Variants in SFTPD observed in about 807,000 individuals in gnomAD.
SFTPD encodes the protein pulmonary surfactant-associated protein D.
SFTPD carries 18 observed loss-of-function variants against 34.6 expected under a neutral mutation model. The ratio of observed to expected loss-of-function variants is 0.52; its 90% CI spans 0.36 to 0.77. The LOEUF (loss-of-function observed/expected upper bound fraction) is 0.77. Ranked by LOEUF, SFTPD falls within the 30% of genes least tolerant of loss-of-function variation. The probability of loss-of-function intolerance (pLI) is 0.00; values close to 1 mark genes in which losing one functional copy is unlikely to be tolerated. For synonymous variants in SFTPD, 155 were observed against 180.9 expected (o/e 0.86, Z 1.15); for missense variants, 433 against 468.9 (o/e 0.92, Z 0.71).
In SFTPD at chr10:79,942,749, A is replaced by G; in HGVS notation, c.316+14T>C. The G allele has an allele frequency of 6.6e-7, 1 of 1,517,150 alleles. No homozygotes were observed. Among genetic ancestry groups the G allele is most frequent in the Non-Finnish European group, 9.2e-7 (1 of 1,091,864 alleles). The allele number at this position is 1,517,150 out of a possible 1,614,324, so 94.0% of individuals were successfully genotyped here. On this transcript the variant is annotated intron_variant, in intron 3 of 7. Coordinates refer to ENST00000372292, the MANE Select transcript of SFTPD (RefSeq NM_003019.5). ...CCACCTGGAAACACCTGAAGTCGAC[A>G]CCCAGTTGCTCACCACTTGGCCCAG...
chr10:79,942,341 T>C, intron 4 of SFTPD, 47 bp downstream of exon 4: 2 of 1,310,110 alleles, frequency 1.5e-6, no homozygotes, highest in South Asian at 1.2e-5. Context: ...TGGACCCTTG[T>C]CCTTCCTCCT....
chr10:79,953,995 T>A (rs531186707), upstream of SFTPD, among the ~76,000 whole-genome samples: 36 of 141,718 alleles, frequency 2.5e-4, no homozygotes, highest in African/African-American at 9.2e-4. Flanking sequence ...AGTTCCAGGA[T>A]TTTTGTGGGT....
intron 1 of SFTPD, among the ~76,000 whole-genome samples, chr10:79,956,749 A>G (rs1842742103): frequency 6.6e-6 from 1 of 152,218 alleles, no homozygotes; most frequent in Admixed American, 6.5e-5. Flanking sequence ...ACAAAAAGAT[A>G]GCAGTAACCT....
intron 1 of SFTPD, among the ~76,000 whole-genome samples, chr10:79,947,781 AC>A (rs1842680301): frequency 6.6e-6 from 1 of 152,206 alleles, no homozygotes; most frequent in Admixed American, 6.5e-5. Context: ...AAGAGCAACT[AC>A]CCAACAGGGC....
At chr10:79,979,731 T>C (rs1298197645) in intron 1 of SFTPD, among the ~76,000 whole-genome samples, 2 of 152,188 alleles carry the variant, frequency 1.3e-5, no homozygotes, top group Non-Finnish European at 2.9e-5. Flanking sequence ...AGGACTGAAA[T>C]TCCTGGGCAA....
intron 2 of SFTPD, among the ~76,000 whole-genome samples, chr10:79,943,656 G>A (rs947602669): frequency 6.6e-5 from 10 of 152,284 alleles, no homozygotes; most frequent in Admixed American, 5.2e-4. Flanking sequence ...TTGCTGGATG[G>A]GTGGAAGAAT....
intron 1 of SFTPD, among the ~76,000 whole-genome samples, chr10:79,980,166 T>C (rs1842882824): frequency 6.6e-6 from 1 of 152,144 alleles, no homozygotes; most frequent in African/African-American, 2.4e-5. Flanking sequence ...CTCAGTACCT[T>C]GCTGGCATCA....
At chr10:79,950,317 G>A (rs998383183), upstream of SFTPD, 4 of 152,164 alleles carry the variant, frequency 2.6e-5, no homozygotes, top group Non-Finnish European at 5.9e-5. Context: ...TTATGATGAG[G>A]AGTATTGTCC....
chr10:79,976,114 CAA>C (rs1222394834), intron 1 of SFTPD, among the ~76,000 whole-genome samples: 1 of 152,194 alleles, frequency 6.6e-6, no homozygotes, highest in Non-Finnish European at 1.5e-5. Flanking sequence ...CCTTGTGAAA[CAA>C]GAGTTCTGGA....
At chr10:79,970,950 T>C (rs1842831402) in intron 1 of SFTPD, 1 of 152,212 alleles carries the variant, frequency 6.6e-6, no homozygotes, top group Admixed American at 6.5e-5. Context: ...TTCTAGTTTC[T>C]AGAGGAAAAT....
intron 5 of SFTPD, 143 bp downstream of exon 5, chr10:79,941,810 AC>A (rs1340572113): frequency 1.4e-6 from 1 of 697,780 alleles, no homozygotes; most frequent in Non-Finnish European, 2.5e-6. Context: ...CCCCTCATGC[AC>A]CCTTCTTGGA....
In SFTPD at chr10:79,937,755, G is replaced by A. The variant is rs913221471; in HGVS notation, c.*97C>T. ...AGAGAAGTCCTTCCCGGCACAGATGGTCACCTTTTTATTAGGATATTGGCA... is the reference window on the plus strand; with the variant it reads ...AGAGAAGTCCTTCCCGGCACAGATGATCACCTTTTTATTAGGATATTGGCA... On this transcript the variant is annotated 3_prime_UTR_variant, in exon 8 of 8. Transcript: ENST00000372292. 2 of 1,321,580 alleles carry A rather than the reference G, an allele frequency of 1.5e-6. No individual in the cohort carries two copies. The highest frequency in any genetic ancestry group is 4.8e-5 in the East Asian group (2 of 41,418). 81.9% of individuals were successfully genotyped at this position (1,321,580 alleles called of 1,614,324 possible).
chr10:79,941,256 G>A, intron 6 of SFTPD, 142 bp downstream of exon 6: 1 of 735,524 alleles, frequency 1.4e-6, no homozygotes, highest in Admixed American at 2.6e-5. Flanking sequence ...CTTCCAGCCT[G>A]TCCGCCTTTC....
At chr10:79,961,275 C>T (rs1180444454) in intron 1 of SFTPD, among the ~76,000 whole-genome samples, 1 of 152,104 alleles carries the variant, frequency 6.6e-6, no homozygotes, top group South Asian at 2.1e-4. Context: ...GCAATGGCAA[C>T]AAAAGCCAGA....
chr10:79,982,342 T>G, intron 1 of SFTPD: 1 of 976,762 alleles, frequency 1.0e-6, no homozygotes, highest in East Asian at 3.7e-5. Flanking sequence ...GCGGCGCTGC[T>G]GCGAAGGCCC....
rs117568696 is a variant in SFTPD, at chr10:79,945,126, G to C, written c.199+1335C>G. Among the ~76,000 whole-genome samples, 917 of 152,230 alleles carry C rather than the reference G, an allele frequency of 6.0e-3. 4 individuals are homozygous for C. Among genetic ancestry groups the C allele is most frequent in the Non-Finnish European group, 0.01 (707 of 68,010 alleles). ...CAAGTACTGACCCAAAGCCAGGCCTGGAATGTGCATGGGTTGAGGCACATA... is the reference window on the plus strand; with the variant it reads ...CAAGTACTGACCCAAAGCCAGGCCTCGAATGTGCATGGGTTGAGGCACATA... On this transcript the variant is annotated intron_variant, in intron 2 of 7. Transcript: ENST00000372292.
intron 2 of SFTPD, among the ~76,000 whole-genome samples, chr10:79,944,733 T>G (rs1348138299): frequency 6.6e-6 from 1 of 152,110 alleles, no homozygotes; most frequent in Admixed American, 6.5e-5. Context: ...CTGAAGGTGC[T>G]GAGGAATAAG....
intron 1 of SFTPD, among the ~76,000 whole-genome samples, chr10:79,979,988 C>T (rs185695707): frequency 6.6e-6 from 1 of 152,344 alleles, no homozygotes; most frequent in East Asian, 1.9e-4. Flanking sequence ...TAAGCCATAG[C>T]TCCCAGATGA....
chr10:79,982,031 T>C, intron 1 of SFTPD: 1 of 298,510 alleles, frequency 3.3e-6, no homozygotes. Flanking sequence ...GGCGCCGACT[T>C]CCCCTGGGGC....
Sources: allele counts gnomAD v4.1 joint callset (sites outside exome capture counted in the v4.1 genomes callset), GRCh38; gene constraint gnomAD v4.1.1; transcripts MANE v1.5; gene names NCBI Gene and HGNC (gene_info 2026-07-23, HGNC 2026-07-21).